The following PAX8 variants were observed in gnomAD, a reference collection of about 807,000 sequenced individuals.
PAX8 encodes the protein paired box 8.
PAX8 carries 15 observed loss-of-function variants against 52.4 expected under a neutral mutation model. The observed-to-expected ratio is 0.29, with a 90% CI of 0.19 to 0.44. PAX8 has a LOEUF of 0.44. PAX8 is among the 20% of genes least tolerant of loss of function. The pLI is 1.00. For synonymous variants in PAX8, 284 were observed against 249.7 expected (o/e 1.14, Z -1.29); for missense variants, 554 against 602.5 (o/e 0.92, Z 0.84).
At chr2:113,234,543 T>C (rs1690123200) in intron 9 of PAX8, among the ~76,000 whole-genome samples, 1 of 152,228 alleles carries the variant, frequency 6.6e-6, no homozygotes, top group African/African-American at 2.4e-5. Context: ...TTTTTTGAGA[T>C]GGAGTCTTGC....
Position 113,227,275 on chromosome 2 carries a change from G to A in PAX8, c.1088-19C>T, listed in dbSNP as rs1293329871. The A allele has an allele frequency of 1.3e-6, 2 of 1,590,336 alleles. No homozygotes were observed. The highest frequency in any genetic ancestry group is 1.8e-5 in the Admixed American group (1 of 57,098). On this transcript the variant is annotated intron_variant, in intron 9 of 11. Coordinates refer to ENST00000429538, the MANE Select transcript of PAX8 (RefSeq NM_003466.4). ...TCTCGCCCTGGAAAAATACAGCAAAGAGTCGTCAGTTGGACCATGGGGGCT... is the reference window on the plus strand; with the variant it reads ...TCTCGCCCTGGAAAAATACAGCAAAAAGTCGTCAGTTGGACCATGGGGGCT...
rs528835770 is a variant in PAX8, at chr2:113,223,509, C to T, written c.1190-3331G>A. Among the ~76,000 whole-genome samples the T allele has an allele frequency of 1.8e-4, 27 of 152,300 alleles. 2 individuals carry two copies. The South Asian group carries it at 5.2e-3, about 29-fold the overall frequency. On this transcript the variant is annotated intron_variant, in intron 10 of 11. Transcript: ENST00000429538. The stretch of plus-strand genomic sequence containing the variant: ...ATCAGAGTAGCCTTTTAAAACTCGA[C>T]CCAGCCACTACAATTTTGTGCTACC...
intron 9 of PAX8, among the ~76,000 whole-genome samples, chr2:113,234,616 G>A (rs1354906025): frequency 6.6e-6 from 1 of 152,202 alleles, no homozygotes. Flanking sequence ...TGCCTCCTGG[G>A]TTCAAGCGAT....
chr2:113,238,977 A>G (rs1286046105), intron 7 of PAX8: 1 of 151,164 alleles, frequency 6.6e-6, no homozygotes, highest in Non-Finnish European at 1.5e-5. Context: ...AAATAGGGAA[A>G]CAAGAGCTGT....
At position 113,235,441 on chromosome 2, in the gene PAX8, T is replaced by G; in HGVS notation, c.1040A>C (p.His347Pro). 1 of 1,608,704 alleles carries G rather than the reference T, an allele frequency of 6.2e-7. No individual in the cohort carries two copies. The highest frequency in any genetic ancestry group is 8.5e-7 in the Non-Finnish European group (1 of 1,177,578). The change falls in exon 9 of 12, where the codon CAT becomes CCT. Residue 347 changes from histidine (H) to proline (P), a missense_variant. Transcript: ENST00000429538. The stretch of plus-strand genomic sequence containing the variant: ...GAACTGCCCGTACACGGAGGCAGCA[T>G]GGGGAAAGGCATTGAAGGGCGGGAC... Reference protein sequence around the residue: ...SGVPPFNAFPHAASVYGQFTG... With the variant: ...SGVPPFNAFPPAASVYGQFTG...
chr2:113,242,188 G>C, intron 5 of PAX8, 58 bp from the exon 6 acceptor site: 3 of 1,528,620 alleles, frequency 2.0e-6, no homozygotes, highest in Admixed American at 3.4e-5. Context: ...CACAGCCCTG[G>C]GTGACTCTGG....
chr2:113,235,011 T>C (rs1395523007), intron 9 of PAX8, among the ~76,000 whole-genome samples: 1 of 152,244 alleles, frequency 6.6e-6, no homozygotes, highest in African/African-American at 2.4e-5. Flanking sequence ...TTGGCCTTTT[T>C]AGAAATTTGA....
intron 7 of PAX8, chr2:113,237,697 C>T (rs560230509): frequency 4.6e-5 from 7 of 152,282 alleles, no homozygotes; most frequent in African/African-American, 1.7e-4. Context: ...TGTACCTCAT[C>T]CTCACCATGG....
intron 11 of PAX8, among the ~76,000 whole-genome samples, chr2:113,219,390 C>A (rs1689154773): frequency 6.6e-6 from 1 of 152,140 alleles, no homozygotes; most frequent in African/African-American, 2.4e-5. Context: ...CAGGGAGGCT[C>A]TAGTGGGATC....
rs1417323193 is a variant in PAX8 at position 113,256,654 on chromosome 2, G to GTGTA, written c.26-9736_26-9735insTACA. 8.8e-3 allele frequency among the ~76,000 whole-genome samples: 592 copies of GTGTA among 67,288 alleles called. 6 individuals carry two copies. The highest frequency in any genetic ancestry group is 0.044 in the African/African-American group (561 of 12,782). 44.1% of individuals were successfully genotyped at this position (67,288 alleles called of 152,430 possible). On this transcript the variant is annotated intron_variant, in intron 2 of 11. Coordinates refer to ENST00000429538, the MANE Select transcript of PAX8 (RefSeq NM_003466.4). ...TATGTGTGTGTGTGTGTGTGTGTGT[G>GTGTA]TATATATATATATAGAATAACACCC... is the stretch of plus-strand genomic sequence containing the variant.
At chr2:113,233,039 C>CTCCCCTCCCTTCCCT (rs1689992849) in intron 9 of PAX8, among the ~76,000 whole-genome samples, 1 of 143,044 alleles carries the variant, frequency 7.0e-6, no homozygotes, top group Non-Finnish European at 1.5e-5. Context: ...CTCCCCTCCC[C>CTCCCCTCCCTTCCCT]TCCCCTCCCT....
intron 7 of PAX8, chr2:113,237,806 A>G (rs1690491912): frequency 6.6e-6 from 1 of 152,230 alleles, no homozygotes; most frequent in Non-Finnish European, 1.5e-5. Flanking sequence ...GAGATGTGCA[A>G]AGCTGAATTC....
intron 1 of PAX8, 54 bp from the exon 2 acceptor site, chr2:113,278,523 C>G: frequency 7.4e-7 from 1 of 1,357,900 alleles, no homozygotes. Context: ...ATGCCTGCAT[C>G]CTCAGGCCCC....
In PAX8 at chr2:113,257,571, G is replaced by A. The variant is rs117455963; in HGVS notation, c.26-10652C>T. ...TAGCATTATTATTTCATCCCCAATAGTGAGAGGGAGCTGGGGAGGGACAGG... is the reference window on the plus strand; with the variant it reads ...TAGCATTATTATTTCATCCCCAATAATGAGAGGGAGCTGGGGAGGGACAGG... On this transcript the variant is annotated intron_variant, in intron 2 of 11. Transcript: ENST00000429538. Among the ~76,000 whole-genome samples the A allele has an allele frequency of 7.9e-5, 12 of 152,326 alleles. No homozygotes were observed. In the East Asian group the frequency reaches 1.9e-3, roughly 24 times the overall value.
intron 8 of PAX8, chr2:113,235,857 C>T: frequency 4.1e-6 from 2 of 482,536 alleles, no homozygotes; most frequent in Admixed American, 3.8e-5. Flanking sequence ...GCGCGGAGAC[C>T]CGGGAGCGGC....
At chr2:113,248,169 C>T (rs751466031) in intron 2 of PAX8, among the ~76,000 whole-genome samples, 56 of 152,274 alleles carry the variant, frequency 3.7e-4, no homozygotes, top group Non-Finnish European at 6.5e-4. Context: ...ATTTCAGGGC[C>T]GAGATTTCCA....
chr2:113,242,272 C>T, intron 5 of PAX8, 142 bp from the exon 6 acceptor site: 1 of 681,504 alleles, frequency 1.5e-6, no homozygotes, highest in Non-Finnish European at 2.5e-6. Context: ...ACACCCCTTA[C>T]AGCCCTGGGG....
At chr2:113,252,456 G>T (rs981355585) in intron 2 of PAX8, among the ~76,000 whole-genome samples, 1 of 152,174 alleles carries the variant, frequency 6.6e-6, no homozygotes, top group Non-Finnish European at 1.5e-5. Flanking sequence ...TGCTCCTGAA[G>T]AAAGTGTCCC....
chr2:113,278,331 C>A (rs774435259), intron 2 of PAX8, 39 bp downstream of exon 2: 30 of 1,473,862 alleles, frequency 2.0e-5, no homozygotes, highest in Non-Finnish European at 2.7e-5. Flanking sequence ...CGCTCAGCGG[C>A]GCGGGGGCTC....
Sources: allele counts gnomAD v4.1 joint callset (sites outside exome capture counted in the v4.1 genomes callset), GRCh38; gene constraint gnomAD v4.1.1; transcripts MANE v1.5; gene names NCBI Gene and HGNC (gene_info 2026-07-23, HGNC 2026-07-21).